SMARCA4: variants seen among roughly 807,000 people sequenced by gnomAD.
SMARCA4 encodes SWI/SNF-related matrix-associated actin-dependent regulator of chromatin subfamily A member 4.
In SMARCA4, 31 loss-of-function variants were observed where a neutral mutation model predicts 193.9. The ratio of observed to expected loss-of-function variants is 0.16; its 90% CI spans 0.12 to 0.22. SMARCA4 has a LOEUF of 0.22. SMARCA4 is among the 10% of genes least tolerant of loss of function. SMARCA4 has a pLI of 1.00. For missense variants in SMARCA4, 1,148 were observed against 2,296.0 expected, an observed-to-expected ratio of 0.50 and a Z score of 10.22; for synonymous variants, 942 against 933.1, an observed-to-expected ratio of 1.01 and a Z score of -0.17.
chr19:11,004,090 C>T (rs553508622), intron 13 of SMARCA4, among the ~76,000 whole-genome samples: 118 of 151,592 alleles, frequency 7.8e-4, no homozygotes, highest in African/African-American at 2.8e-3. Context: ...GATGTTGGCT[C>T]ACTGCAGCCT....
Position 10,968,677 on chromosome 19 carries a change from A to G in SMARCA4, c.-32+7503A>G, listed in dbSNP as rs117200235. Among the ~76,000 whole-genome samples the G allele has an allele frequency of 6.9e-3, 1,049 of 152,186 alleles. 8 individuals carry two copies. Among genetic ancestry groups the G allele is most frequent in the Admixed American group, 9.4e-3 (143 of 15,278 alleles). ...GAGTTTTTTAAGTTTTCTCTTTGCC[A>G]CTGGCAAGTCACGCCCCAGTGGCTC... On this transcript the variant is annotated intron_variant, in intron 1 of 34. Coordinates refer to ENST00000344626, the MANE Select transcript of SMARCA4 (RefSeq NM_003072.5).
intron 1 of SMARCA4, among the ~76,000 whole-genome samples, chr19:10,983,309 C>T (rs1473802727): frequency 1.3e-5 from 2 of 152,114 alleles, no homozygotes; most frequent in Non-Finnish European, 2.9e-5. Flanking sequence ...ATACTTTATC[C>T]TTTTTAAACT....
chr19:11,035,407 C>A (rs1298746038), intron 29 of SMARCA4, among the ~76,000 whole-genome samples: 2 of 152,254 alleles, frequency 1.3e-5, no homozygotes, highest in East Asian at 3.8e-4. Flanking sequence ...AAAGGGTTTA[C>A]CTCTTCCCGA....
intron 22 of SMARCA4, 148 bp from the exon 23 acceptor site, chr19:11,026,152 T>C (rs2090237384): frequency 2.8e-6 from 2 of 721,250 alleles, no homozygotes; most frequent in African/African-American, 3.5e-5. Flanking sequence ...TTTTGGCATC[T>C]GTGTCTGGTC....
At position 10,986,984 on chromosome 19, in the gene SMARCA4, T is replaced by C; in HGVS notation, c.840T>C (p.Pro280=). ...PGMPGQPPGG[P]PKPWPEGPMA... is the part of the protein sequence containing the mutation. ...TGCCAGGCCAGCCTCCTGGAGGGCC[T>C]CCCAAGCCCTGGCCTGAAGGTGAGC... The change falls in exon 5 of 35, where the codon CCT becomes CCC. Residue 280 remains proline, a synonymous_variant. Coordinates refer to ENST00000344626, the MANE Select transcript of SMARCA4 (RefSeq NM_003072.5). The surrounding 1 kb of genome is among the most constrained non-coding windows in gnomAD (Gnocchi z 6.7). 6.2e-7 allele frequency: 1 copy of C among 1,606,030 alleles called. No individual in the cohort carries two copies.
In SMARCA4 at chr19:11,031,512, C is replaced by G. The variant is rs2146616640; in HGVS notation, c.3546+619C>G. On this transcript the variant is annotated intron_variant, in intron 25 of 34. Transcript: ENST00000344626. The surrounding 1 kb of genome is among the most constrained non-coding windows in gnomAD (Gnocchi z 4.3). Reference sequence around the variant, plus strand: ...TTTTCCCTTCCTCTCCAACCGTGCTCTCTTCTGAGCCTCTGCCAGCCCATC... The same window carrying G: ...TTTTCCCTTCCTCTCCAACCGTGCTGTCTTCTGAGCCTCTGCCAGCCCATC... 1 of 163,812 alleles carries G rather than the reference C, an allele frequency of 6.1e-6. No homozygotes were observed. Among genetic ancestry groups the G allele is most frequent in the East Asian group, 1.7e-4 (1 of 5,986 alleles). The allele number at this position is 163,812 out of a possible 1,614,324, so 10.1% of individuals were successfully genotyped here. A position where few individuals can be genotyped will look rare whatever the true frequency, so the allele number is the denominator to read the frequency against.
chr19:10,970,023 G>A (rs906731693), intron 1 of SMARCA4, among the ~76,000 whole-genome samples: 4 of 152,112 alleles, frequency 2.6e-5, no homozygotes, highest in South Asian at 2.1e-4. Context: ...TGGTCTTTGC[G>A]CCACATGTCA....
chr19:11,045,558 G>T (rs2075855575), intron 30 of SMARCA4, among the ~76,000 whole-genome samples: 1 of 151,990 alleles, frequency 6.6e-6, no homozygotes, highest in Non-Finnish European at 1.5e-5. Flanking sequence ...TTACACCTTG[G>T]TTTTTGAAAA....
At chr19:10,993,893 C>T (rs991201474) in intron 8 of SMARCA4, among the ~76,000 whole-genome samples, 1 of 151,900 alleles carries the variant, frequency 6.6e-6, no homozygotes, top group African/African-American at 2.4e-5. Flanking sequence ...CTGCCCACTT[C>T]GGCCTCCCAA....
chr19:10,978,027 T>A (rs2085280136), intron 1 of SMARCA4, among the ~76,000 whole-genome samples: 1 of 152,204 alleles, frequency 6.6e-6, no homozygotes, highest in South Asian at 2.1e-4. Flanking sequence ...GTAGTCCCTG[T>A]GTGGTGGTGA....
At chr19:11,022,472 G>A (rs1006044052) in intron 19 of SMARCA4, among the ~76,000 whole-genome samples, 2 of 152,226 alleles carry the variant, frequency 1.3e-5, no homozygotes, top group African/African-American at 4.8e-5. Context: ...GCCAGACTGT[G>A]GCATGGCAGC....
At chr19:11,039,887 C>T (rs905995832) in intron 29 of SMARCA4, 1 of 168,404 alleles carries the variant, frequency 5.9e-6, no homozygotes, top group Admixed American at 6.3e-5. Flanking sequence ...TTAAGACCAT[C>T]CTGGCCAACA....
intron 29 of SMARCA4, among the ~76,000 whole-genome samples, chr19:11,035,620 C>T (rs568907596): frequency 6.6e-6 from 1 of 152,368 alleles, no homozygotes; most frequent in Admixed American, 6.5e-5. Context: ...GGCAAGCCCC[C>T]AAGGGCCTCT....
rs35017701 is a variant in SMARCA4, at chr19:11,026,497, CT to C, written c.3215+170del. On this transcript the variant is annotated intron_variant, in intron 23 of 34. Transcript: ENST00000344626. ...AGAATCCAAAGCAAATAATACAAAT[CT>C]TTTTTTTTTTTTTTTTTTGAGGTGG... is the stretch of plus-strand genomic sequence containing the variant. The C allele has an allele frequency of 0.17, 68,914 of 406,438 alleles. 743 individuals are homozygous for C. Among genetic ancestry groups the C allele is most frequent in the East Asian group, 0.29 (6,481 of 22,088 alleles). 25.2% of individuals were successfully genotyped at this position (406,438 alleles called of 1,614,324 possible).
chr19:11,014,184 C>T (rs552094706), intron 16 of SMARCA4, among the ~76,000 whole-genome samples: 1 of 152,286 alleles, frequency 6.6e-6, no homozygotes, highest in African/African-American at 2.4e-5. Flanking sequence ...GAGTCAGCAG[C>T]GGACCCCCAA....
chr19:10,973,660 C>A (rs1599846112), intron 1 of SMARCA4, among the ~76,000 whole-genome samples: 1 of 146,140 alleles, frequency 6.8e-6, no homozygotes, highest in African/African-American at 2.5e-5. Context: ...AGCTCCGCCT[C>A]CCGGGTTCAC....
intron 18 of SMARCA4, 24 bp from the exon 19 acceptor site, chr19:11,021,701 G>T (rs1216458966): frequency 6.3e-7 from 1 of 1,595,616 alleles, no homozygotes; most frequent in South Asian, 1.1e-5. Context: ...CCCCTGCCCT[G>T]ATTGCCCACT....
At position 11,034,156 on chromosome 19, in the gene SMARCA4, A is replaced by T. The variant is rs2146678532; in HGVS notation, c.3907A>T (p.Asn1303Tyr). The T allele has an allele frequency of 6.2e-7, 1 of 1,613,886 alleles. No individual in the cohort carries two copies. Among genetic ancestry groups the T allele is most frequent in the Non-Finnish European group, 8.5e-7 (1 of 1,180,000 alleles). Residue 1303 changes from asparagine (N) to tyrosine (Y), a missense_variant, in exon 28 of 35, where the codon AAC becomes TAC. This residue lies in a region of SMARCA4 where 84 missense variants were observed against 202.2 expected (regional missense o/e 0.42). Transcript: ENST00000344626. The surrounding 1 kb of genome is among the most constrained non-coding windows in gnomAD (Gnocchi z 7.0). ...CGAGGTGCCCGACGACGAGACCGTC[A>T]ACCAGATGATCGCCCGGCACGAGGA... ...EDEVPDDETV[N>Y]QMIARHEEEF...
At position 11,033,287 on chromosome 19, in the gene SMARCA4, C is replaced by G. The variant is rs927543047; in HGVS notation, c.3547-3C>G. ...TGGGACTGACTGGCACCTCTTCCCC[C>G]AGGACCTGCAAGCGCAGGACCGAGC... On this transcript the variant is annotated splice_region_variant and splice_polypyrimidine_tract_variant and intron_variant, in intron 25 of 34. Transcript: ENST00000344626. The surrounding 1 kb of genome is among the most constrained non-coding windows in gnomAD (Gnocchi z 9.8). The G allele has an allele frequency of 1.9e-6, 3 of 1,611,426 alleles. No homozygotes were observed. The highest frequency in any genetic ancestry group is 1.3e-5 in the African/African-American group (1 of 74,902).
Sources: gnomAD v4.1 joint callset for allele counts (sites outside exome capture counted in the v4.1 genomes callset) on GRCh38, gnomAD v4.1.1 for gene constraint, gnomAD v4.1.1 regional missense constraint, Gnocchi (gnomAD v3.1) non-coding constraint, MANE v1.5 for transcripts, NCBI Gene and HGNC (gene_info 2026-07-23, HGNC 2026-07-21) for gene names.